The following RDX variants were observed in gnomAD, a reference collection of about 807,000 sequenced individuals.
RDX encodes radixin, also known as deafness, autosomal recessive 24.
A neutral mutation model predicts 83.7 loss-of-function variants in RDX; 32 were observed. The observed-to-expected ratio is 0.38, with a 90% CI of 0.29 to 0.51. RDX has a LOEUF of 0.51. Among genes scored for constraint, RDX ranks in the 20% least tolerant of loss-of-function variants. RDX has a pLI of 0.87. For synonymous variants in RDX, 229 were observed against 222.7 expected, an observed-to-expected ratio of 1.03 and a Z score of -0.25; for missense variants, 600 against 689.9, an observed-to-expected ratio of 0.87 and a Z score of 1.46.
intron 15 of RDX, among the ~76,000 whole-genome samples, chr11:110,189,266 A>AAAAAAAAAAAAAAAAAAAAAAAC (rs1244166041): frequency 6.8e-6 from 1 of 147,408 alleles, no homozygotes; most frequent in African/African-American, 2.6e-5. Flanking sequence ...AAAAAAAAAA[A>AAAAAAAAAAAAAAAAAAAAAAAC]AAGACAAGGG....
intron 15 of RDX, chr11:110,195,565 G>A (rs968860346): frequency 1.3e-5 from 2 of 152,218 alleles, no homozygotes; most frequent in Admixed American, 1.3e-4. Flanking sequence ...TCAGGCTGAT[G>A]TTAGAATATA....
At chr11:110,263,857 G>A (rs1226869114) in intron 5 of RDX, 103 bp downstream of exon 5, 15 of 1,045,346 alleles carry the variant, frequency 1.4e-5, no homozygotes, top group Non-Finnish European at 2.1e-5. Context: ...GACAGGTCCA[G>A]ACCCTGTCTC....
chr11:110,179,708 G>T (rs1003600880), intron 15 of RDX, among the ~76,000 whole-genome samples: 5 of 152,056 alleles, frequency 3.3e-5, no homozygotes, highest in African/African-American at 1.2e-4. Flanking sequence ...AGAGGCAGAA[G>T]TTGCAGTGAG....
At position 110,229,758 on chromosome 11, in the gene RDX, A is replaced by G. The variant is rs1020581251; in HGVS notation, c.*2111T>C. On this transcript the variant is annotated 3_prime_UTR_variant, in exon 14 of 14. Coordinates refer to ENST00000645495, the MANE Select transcript of RDX (RefSeq NM_002906.4). ...ACAAATAGATCATAAACAGCAAAAT[A>G]TAACTGATAATTTTTCAATACTGTA... is the stretch of plus-strand genomic sequence containing the variant. 6.6e-6 allele frequency: 1 copy of G among 152,518 alleles called. No individual in the cohort carries two copies. The highest frequency in any genetic ancestry group is 6.6e-5 in the Admixed American group (1 of 15,266). 9.4% of individuals were successfully genotyped at this position (152,518 alleles called of 1,614,324 possible).
chr11:110,289,773 C>G (rs1050076673), intron 1 of RDX, among the ~76,000 whole-genome samples: 2 of 151,548 alleles, frequency 1.3e-5, no homozygotes, highest in Non-Finnish European at 2.9e-5. Flanking sequence ...AAAAATTAGT[C>G]CCGTCTCTAC....
At chr11:110,272,121 A>T (rs1591174046) in intron 3 of RDX, among the ~76,000 whole-genome samples, 1 of 152,184 alleles carries the variant, frequency 6.6e-6, no homozygotes, top group East Asian at 1.9e-4. Flanking sequence ...AAATCTAAAA[A>T]CATCCAAAAT....
At chr11:110,198,055 C>T (rs180973965) in intron 15 of RDX, among the ~76,000 whole-genome samples, 6 of 152,292 alleles carry the variant, frequency 3.9e-5, no homozygotes, top group African/African-American at 1.4e-4. Flanking sequence ...TAAATGAACA[C>T]ATGTGACCAT....
downstream of RDX, among the ~76,000 whole-genome samples, chr11:110,227,238 C>A (rs894433027): frequency 2.0e-5 from 3 of 151,948 alleles, no homozygotes; most frequent in African/African-American, 7.2e-5. Flanking sequence ...AGAAGAATTT[C>A]ATATAATAAA....
chr11:110,178,828 C>G (rs80080100), intron 15 of RDX, among the ~76,000 whole-genome samples: 1,888 of 152,260 alleles, frequency 0.012, 36 homozygotes, highest in East Asian at 0.075. Flanking sequence ...AGAGGGAACA[C>G]TGGGGCTTGA....
At position 110,293,961 on chromosome 11, in the gene RDX, ACT is replaced by A. The variant is rs1349141787; in HGVS notation, c.-65+2504_-65+2505del. On this transcript the variant is annotated intron_variant, in intron 1 of 13. Transcript: ENST00000645495. ...AATTAAAAATGGATGAAAAAACAAG[ACT>A]CTCACCATCATTTACCATTTCAGAC... Among the ~76,000 whole-genome samples, 22 of 152,344 alleles carry A rather than the reference ACT, an allele frequency of 1.4e-4. No individual in the cohort carries two copies. In the East Asian group the frequency reaches 4.2e-3, roughly 29 times the overall value.
intron 9 of RDX, among the ~76,000 whole-genome samples, chr11:110,252,337 T>C (rs909206840): frequency 6.6e-6 from 1 of 152,150 alleles, no homozygotes; most frequent in Non-Finnish European, 1.5e-5. Flanking sequence ...GTAAACATAC[T>C]ACCTGTACTA....
intron 14 of RDX, among the ~76,000 whole-genome samples, chr11:110,215,815 G>A (rs1320213293): frequency 2.0e-5 from 3 of 152,338 alleles, no homozygotes; most frequent in Admixed American, 6.5e-5. Context: ...GTTTGCCACT[G>A]TGGTTGTCCT....
chr11:110,241,881 G>A (rs370005416), intron 10 of RDX, among the ~76,000 whole-genome samples: 11 of 152,230 alleles, frequency 7.2e-5, no homozygotes, highest in African/African-American at 2.4e-4. Flanking sequence ...ATGCTACAAC[G>A]TGGATGAACC....
intron 14 of RDX, among the ~76,000 whole-genome samples, chr11:110,223,468 C>T (rs1244195781): frequency 6.6e-6 from 1 of 152,056 alleles, no homozygotes; most frequent in African/African-American, 2.4e-5. Flanking sequence ...GTGAAAGTTG[C>T]AGTGCACCAA....
chr11:110,199,656 AT>A lies in RDX; in HGVS notation c.1770del (p.Leu591CysfsTer11). ...CTTTGGCAAGAGCGCATCTGGAACA[AT>A]GCATACAGTTTGGGTCCCCACCTTT... On this transcript the variant is annotated frameshift_variant, in exon 15 of 16. Coordinates refer to the RDX transcript ENST00000528498. LOFTEE classifies it high-confidence loss of function. The A allele has an allele frequency of 1.4e-6, 1 of 703,074 alleles. No individual in the cohort carries two copies. Among genetic ancestry groups the A allele is most frequent in the Non-Finnish European group, 2.6e-6 (1 of 385,002 alleles). The allele number at this position is 703,074 out of a possible 1,614,324, so 43.6% of individuals were successfully genotyped here.
chr11:110,210,973 T>C (rs1863812754), intron 14 of RDX, among the ~76,000 whole-genome samples: 1 of 150,628 alleles, frequency 6.6e-6, no homozygotes. Flanking sequence ...AATGACAGGA[T>C]CAAATTCACA....
chr11:110,256,189 T>C (rs2134359829), intron 7 of RDX, among the ~76,000 whole-genome samples: 1 of 152,358 alleles, frequency 6.6e-6, no homozygotes, highest in East Asian at 1.9e-4. Flanking sequence ...ACACCTATAC[T>C]GGCCAGAAGA....
chr11:110,187,135 G>A (rs941279682), intron 15 of RDX, among the ~76,000 whole-genome samples: 3 of 152,198 alleles, frequency 2.0e-5, no homozygotes, highest in African/African-American at 7.2e-5. Context: ...GGGTGCCTTA[G>A]AGATCGTGGC....
intron 1 of RDX, among the ~76,000 whole-genome samples, chr11:110,290,286 A>T (rs1861181372): frequency 6.6e-6 from 1 of 152,120 alleles, no homozygotes; most frequent in Non-Finnish European, 1.5e-5. Context: ...GCACTTTGGG[A>T]GGCTGAGGCG....
Sources: gnomAD v4.1 joint callset for allele counts (sites outside exome capture counted in the v4.1 genomes callset) on GRCh38, gnomAD v4.1.1 for gene constraint, MANE v1.5 for transcripts, NCBI Gene and HGNC (gene_info 2026-07-23, HGNC 2026-07-21) for gene names.